Variants in RTN4 observed in about 807,000 individuals in gnomAD.
RTN4 encodes reticulon-4.
Under a neutral mutation model 90.4 loss-of-function variants are expected in RTN4, and 32 were observed. That is an observed-to-expected ratio of 0.35 (90% CI 0.27 to 0.48). RTN4 has a LOEUF of 0.48. Ranked by LOEUF, RTN4 falls within the 20% of genes least tolerant of loss-of-function variation. RTN4 has a pLI of 0.99. For synonymous variants in RTN4, 629 were observed against 552.5 expected (o/e 1.14, Z -1.94); for missense variants, 1,706 against 1,430.2 (o/e 1.19, Z -3.11).
chr2:55,088,117 AGTTATCTCAAGTACTTACGG>A (rs1425141588), intron 1 of RTN4, among the ~76,000 whole-genome samples: 1 of 152,218 alleles, frequency 6.6e-6, no homozygotes. Context: ...CAGCTAGCAC[AGTTATCTCAAGTACTTACGG>A]GTTATGTTAT....
intron 1 of RTN4, among the ~76,000 whole-genome samples, chr2:55,037,869 C>T (rs1334448161): frequency 1.3e-5 from 2 of 152,094 alleles, no homozygotes; most frequent in African/African-American, 4.8e-5. Flanking sequence ...ATCAAACTTG[C>T]AGTCATACTA....
chr2:55,028,251 G>A (rs746928674), intron 1 of RTN4, 31 bp from the exon 2 acceptor site: 5 of 1,592,920 alleles, frequency 3.1e-6, no homozygotes, highest in Admixed American at 3.4e-5. Context: ...AACCTCAGCA[G>A]AAATAAAGAC....
intron 3 of RTN4, among the ~76,000 whole-genome samples, chr2:54,994,382 T>C (rs1439119536): frequency 6.6e-6 from 1 of 152,192 alleles, no homozygotes; most frequent in Admixed American, 6.5e-5. Flanking sequence ...TTATACACCA[T>C]GGCCAAGTGG....
chr2:55,063,620 C>T (rs1029870748), intron 2 of RTN4, among the ~76,000 whole-genome samples: 3 of 152,040 alleles, frequency 2.0e-5, no homozygotes, highest in Admixed American at 6.6e-5. Flanking sequence ...GTGGCTCACA[C>T]CTGTAATGCC....
chr2:55,119,241 T>A, the RTN4 span, among the ~76,000 whole-genome samples: 2 of 152,238 alleles, frequency 1.3e-5, no homozygotes, highest in Non-Finnish European at 2.9e-5. Context: ...TCTCAGTGAA[T>A]TGCAGTCAAG....
chr2:55,047,828 C>T (rs531681186), intron 1 of RTN4, among the ~76,000 whole-genome samples: 64 of 152,206 alleles, frequency 4.2e-4, no homozygotes, highest in African/African-American at 1.5e-3. Flanking sequence ...AAGATGAAAA[C>T]GGCAATAAAA....
the RTN4 span, among the ~76,000 whole-genome samples, chr2:55,130,531 G>T: frequency 6.6e-6 from 1 of 152,096 alleles, no homozygotes; most frequent in Non-Finnish European, 1.5e-5. Context: ...TGGGCAGACT[G>T]CTCGAGCCCA....
chr2:55,066,193 T>TTTGTG (rs1558865072), intron 2 of RTN4, among the ~76,000 whole-genome samples: 10 of 110,944 alleles, frequency 9.0e-5, no homozygotes, highest in African/African-American at 2.5e-4. Context: ...GTGTGTGTGT[T>TTTGTG]TGTGTGTGTG....
chr2:55,127,113 C>T, the RTN4 span, among the ~76,000 whole-genome samples: 1 of 152,026 alleles, frequency 6.6e-6, no homozygotes, highest in African/African-American at 2.4e-5. Context: ...ACCCATAACT[C>T]GTGTTTATCT....
At chr2:55,123,289 A>G in the RTN4 span, among the ~76,000 whole-genome samples, 1 of 152,196 alleles carries the variant, frequency 6.6e-6, no homozygotes, top group Non-Finnish European at 1.5e-5. Flanking sequence ...AGTGTCACTC[A>G]TAAATTTATA....
upstream of RTN4, among the ~76,000 whole-genome samples, chr2:55,114,301 T>C (rs180939723): frequency 6.6e-6 from 1 of 152,182 alleles, no homozygotes; most frequent in East Asian, 1.9e-4. Flanking sequence ...CACTTTGCAG[T>C]TTGAAATGTG....
intron 3 of RTN4, among the ~76,000 whole-genome samples, chr2:55,018,225 G>T (rs1450208110): frequency 1.3e-5 from 2 of 152,194 alleles, no homozygotes; most frequent in Non-Finnish European, 2.9e-5. Context: ...GTCAGAAGAT[G>T]TTCCATAAAT....
the RTN4 span, among the ~76,000 whole-genome samples, chr2:55,135,111 T>G: frequency 2.0e-5 from 3 of 152,132 alleles, no homozygotes; most frequent in Admixed American, 2.0e-4. Flanking sequence ...ATTAAAAAAA[T>G]GTTTTTAATG....
At chr2:54,989,063 C>T (rs1436691405) in intron 3 of RTN4, among the ~76,000 whole-genome samples, 1 of 152,128 alleles carries the variant, frequency 6.6e-6, no homozygotes, top group Non-Finnish European at 1.5e-5. Flanking sequence ...GGTTTTGATC[C>T]CCAAGGTCCC....
upstream of RTN4, among the ~76,000 whole-genome samples, chr2:55,051,572 A>T (rs1668090112): frequency 6.6e-6 from 1 of 152,240 alleles, no homozygotes; most frequent in Non-Finnish European, 1.5e-5. Context: ...TATTCACTGC[A>T]TGCCTACTCT....
chr2:55,004,821 G>T (rs1680091994), intron 3 of RTN4, among the ~76,000 whole-genome samples: 1 of 151,946 alleles, frequency 6.6e-6, no homozygotes, highest in Non-Finnish European at 1.5e-5. Context: ...GTAATAGAAA[G>T]TACAAAATGA....
chr2:55,034,182 G>A (rs1053409872), intron 1 of RTN4, among the ~76,000 whole-genome samples: 1 of 152,136 alleles, frequency 6.6e-6, no homozygotes, highest in Non-Finnish European at 1.5e-5. Flanking sequence ...TAAAAAAACA[G>A]AATTGGCTGT....
chr2:55,059,842 G>A (rs1365689274), intron 2 of RTN4, among the ~76,000 whole-genome samples: 1 of 151,828 alleles, frequency 6.6e-6, no homozygotes, highest in Non-Finnish European at 1.5e-5. Context: ...TCAAAAAAGA[G>A]AGAGAGAGAA....
intron 1 of RTN4, among the ~76,000 whole-genome samples, chr2:55,102,565 C>T (rs1667870394): frequency 6.6e-6 from 1 of 151,678 alleles, no homozygotes; most frequent in African/African-American, 2.4e-5. Flanking sequence ...GAAATTCGTC[C>T]TTAGTTGGCA....
Sources: gnomAD v4.1 joint callset for allele counts (sites outside exome capture counted in the v4.1 genomes callset) on GRCh38, gnomAD v4.1.1 for gene constraint, MANE v1.5 for transcripts, NCBI Gene and HGNC (gene_info 2026-07-23, HGNC 2026-07-21) for gene names.